NUP54: variants seen among roughly 807,000 people sequenced by gnomAD.
NUP54 encodes the protein nucleoporin p54.
Under a neutral mutation model 66.4 loss-of-function variants are expected in NUP54, and 27 were observed. The ratio of observed to expected loss-of-function variants is 0.41; its 90% CI spans 0.30 to 0.56. The LOEUF (loss-of-function observed/expected upper bound fraction) is 0.56, where lower values mean the gene tolerates loss of function less well. Ranked by LOEUF, NUP54 falls within the 20% of genes least tolerant of loss-of-function variation. The pLI is 0.34. For synonymous variants in NUP54, 206 were observed against 210.7 expected (o/e 0.98, Z 0.19); for missense variants, 486 against 596.3 (o/e 0.82, Z 1.93).
chr4:76,145,743 T>C (rs1439630988), intron 1 of NUP54: 2 of 280,996 alleles, frequency 7.1e-6, no homozygotes, highest in South Asian at 3.3e-5. Context: ...TGCAGATTTT[T>C]TGGAATCTTC....
intron 1 of NUP54, 27 bp downstream of exon 1, chr4:76,148,280 CG>C: frequency 7.4e-7 from 1 of 1,349,132 alleles, no homozygotes; most frequent in South Asian, 2.0e-5. Flanking sequence ...CCCTTCTTCC[CG>C]GGTGAAGGTC....
chr4:76,126,431 C>T (rs1730541671), intron 8 of NUP54, among the ~76,000 whole-genome samples: 1 of 152,200 alleles, frequency 6.6e-6, no homozygotes, highest in Non-Finnish European at 1.5e-5. Flanking sequence ...TTTACAGAAA[C>T]TTTCCAATGC....
intron 4 of NUP54, among the ~76,000 whole-genome samples, chr4:76,135,311 C>T (rs62300609): frequency 0.13 from 20,013 of 152,066 alleles, 1,543 homozygotes; most frequent in East Asian, 0.35. Context: ...CACTCACCTG[C>T]AACTTTTAAA....
rs1327360571 is a variant in NUP54 at position 76,148,364 on chromosome 4, T to C, written c.11A>G (p.Asn4Ser). MAF[N>S]FGAPSGTSGT... ...GGAGGTGCCCGAGGGAGCCCCAAAA[T>C]TGAAGGCCATGTCGCGAAAGCAGGA... Residue 4 changes from asparagine (N) to serine (S), a missense_variant, in exon 1 of 12, where the codon AAT becomes AGT. By Grantham distance (46) the Asn-to-Ser change is conservative. Transcript: ENST00000264883. 5 of 1,544,298 alleles carry C rather than the reference T, an allele frequency of 3.2e-6. No individual in the cohort carries two copies. In the Middle Eastern group the frequency reaches 5.1e-4, roughly 158 times the overall value.
intron 8 of NUP54, among the ~76,000 whole-genome samples, chr4:76,129,277 G>A (rs1368374899): frequency 6.6e-6 from 1 of 152,066 alleles, no homozygotes; most frequent in African/African-American, 2.4e-5. Flanking sequence ...AGAGGGATAT[G>A]ATATAATAAT....
chr4:76,125,316 T>TCACA (rs34954421), intron 8 of NUP54, among the ~76,000 whole-genome samples: 2,254 of 125,340 alleles, frequency 0.018, 46 homozygotes, highest in African/African-American at 0.044. Context: ...TGAGACTCCA[T>TCACA]CACACACACA....
intron 8 of NUP54, 94 bp downstream of exon 8, chr4:76,130,562 A>T: frequency 1.2e-6 from 1 of 807,648 alleles, no homozygotes; most frequent in Non-Finnish European, 2.1e-6. Flanking sequence ...TTCCTGATTA[A>T]GATAAAACAG....
chr4:76,134,796 T>C (rs1730962835), intron 4 of NUP54, among the ~76,000 whole-genome samples: 1 of 152,132 alleles, frequency 6.6e-6, no homozygotes, highest in Admixed American at 6.5e-5. Context: ...CATATATACA[T>C]ACATGTAAAC....
rs571794821 is a variant in NUP54, at chr4:76,118,419, T to A, written c.1165-225A>T. ...TGTTTTTTTTGAGACAGGGTCTTGC[T>A]CTGTCTCCCAGGCTGAAGTGCAGTG... On this transcript the variant is annotated intron_variant, in intron 9 of 11. Transcript: ENST00000264883. The A allele has an allele frequency of 1.9e-3, 887 of 465,716 alleles. 11 individuals are homozygous for A. Among genetic ancestry groups the A allele is most frequent in the Non-Finnish European group, 8.1e-4 (206 of 255,834 alleles). 28.8% of individuals were successfully genotyped at this position (465,716 alleles called of 1,614,324 possible).
chr4:76,142,276 G>A (rs1335811734), intron 3 of NUP54, among the ~76,000 whole-genome samples: 1 of 152,098 alleles, frequency 6.6e-6, no homozygotes, highest in East Asian at 1.9e-4. Context: ...TAGAAAAGAC[G>A]AATGACTGGA....
chr4:76,132,763 T>C, intron 5 of NUP54, 44 bp from the exon 6 acceptor site: 1 of 1,445,042 alleles, frequency 6.9e-7, no homozygotes, highest in African/African-American at 1.4e-5. Flanking sequence ...AGCACAAAAC[T>C]CATAGCGACA....
intron 8 of NUP54, among the ~76,000 whole-genome samples, chr4:76,129,944 C>CT (rs1306210412): frequency 2.2e-5 from 2 of 92,282 alleles, no homozygotes; most frequent in East Asian, 5.2e-4. Context: ...CTTTAAGAAT[C>CT]TTTAAGTATT....
chr4:76,119,211 G>A (rs758222795), intron 9 of NUP54, among the ~76,000 whole-genome samples: 15 of 151,904 alleles, frequency 9.9e-5, no homozygotes, highest in East Asian at 7.7e-4. Context: ...GAAACAATAC[G>A]AGAATGTAAA....
At chr4:76,144,050 A>C in intron 3 of NUP54, 99 bp downstream of exon 3, 1 of 1,194,164 alleles carries the variant, frequency 8.4e-7, no homozygotes, top group South Asian at 1.4e-5. Flanking sequence ...TATATTAATA[A>C]TTCTTATAAA....
At chr4:76,130,036 A>T (rs35040945) in intron 8 of NUP54, among the ~76,000 whole-genome samples, 1 of 111,814 alleles carries the variant, frequency 8.9e-6, no homozygotes, top group Non-Finnish European at 1.7e-5. Context: ...GCTGGAGTGC[A>T]GTGGCACGAT....
At chr4:76,119,682 CTCTT>C (rs1426630892) in intron 9 of NUP54, among the ~76,000 whole-genome samples, 1 of 151,944 alleles carries the variant, frequency 6.6e-6, no homozygotes, top group Non-Finnish European at 1.5e-5. Context: ...CAGGCTGCTT[CTCTT>C]TCTTTCCAAT....
intron 1 of NUP54, among the ~76,000 whole-genome samples, chr4:76,145,035 T>C (rs1731425488): frequency 6.6e-6 from 1 of 152,146 alleles, no homozygotes; most frequent in Non-Finnish European, 1.5e-5. Context: ...TTATTGGTTT[T>C]TGGCTGGGCG....
chr4:76,130,533 GC>G, intron 8 of NUP54, 122 bp downstream of exon 8: 1 of 611,914 alleles, frequency 1.6e-6, no homozygotes, highest in Non-Finnish European at 2.9e-6. Context: ...CTATTAAATT[GC>G]AGTGTATGCT....
At chr4:76,140,286 T>C (rs1475153925) in intron 3 of NUP54, among the ~76,000 whole-genome samples, 38 of 65,390 alleles carry the variant, frequency 5.8e-4, no homozygotes, top group African/African-American at 1.7e-3. Flanking sequence ...TTCTCTTTGG[T>C]TTTTTTTTTT....
Sources: gnomAD v4.1 joint callset for allele counts (sites outside exome capture counted in the v4.1 genomes callset) on GRCh38, gnomAD v4.1.1 for gene constraint, MANE v1.5 for transcripts, NCBI Gene and HGNC (gene_info 2026-07-23, HGNC 2026-07-21) for gene names.